Variants in MAP4K2 observed in about 807,000 individuals in gnomAD.
MAP4K2 encodes the protein B lymphocyte serine/threonine protein kinase.
MAP4K2 carries 85 observed loss-of-function variants against 125.3 expected under a neutral mutation model. The observed-to-expected ratio is 0.68, with a 90% CI of 0.57 to 0.81. The LOEUF is 0.81. Among genes scored for constraint, MAP4K2 ranks in the 40% least tolerant of loss-of-function variants. The pLI is 0.00. For missense variants in MAP4K2, 923 were observed against 1,056.4 expected, an observed-to-expected ratio of 0.87 and a Z score of 1.75; for synonymous variants, 479 against 445.1, an observed-to-expected ratio of 1.08 and a Z score of -0.96.
chr11:64,797,303 T>C lies in MAP4K2; in HGVS notation c.1248A>G (p.Pro416=). 2 of 1,602,492 alleles carry C rather than the reference T, an allele frequency of 1.2e-6. No individual in the cohort carries two copies. The highest frequency in any genetic ancestry group is 1.7e-6 in the Non-Finnish European group (2 of 1,174,782). The change falls in exon 18 of 32, where the codon CCA becomes CCG. Residue 416 remains proline, a synonymous_variant. Coordinates refer to ENST00000294066, the MANE Select transcript of MAP4K2 (RefSeq NM_004579.5). The part of the protein sequence containing the change: ...PFLGPLPTDP[P]AEEPLSSPPG... ...GGGGACTGGACAGAGGCTCCTCTGC[T>C]GGAGGGTCAGTGGGGAGTGGCCCTA...
Position 64,796,285 on chromosome 11 carries a change from C to T in MAP4K2, c.1739G>A (p.Arg580His), listed in dbSNP as rs34264803. The T allele has an allele frequency of 7.5e-3, 11,413 of 1,531,454 alleles. 77 individuals carry two copies. Among genetic ancestry groups the T allele is most frequent in the Middle Eastern group, 0.03 (169 of 5,646 alleles). The allele number at this position is 1,531,454 out of a possible 1,614,324, so 94.9% of individuals were successfully genotyped here. ...CAAGATCCCTGACCTGGGGATGATG[C>T]GCTGGGTGAGGCGGTTGGTGGGGAT... ...LSIPTNRLTQ[R>H]IIPRRFALST... Residue 580 changes from arginine to histidine, a missense_variant, in exon 24 of 32, where the codon CGC (arginine) becomes CAC (histidine). Coordinates refer to ENST00000294066, the MANE Select transcript of MAP4K2 (RefSeq NM_004579.5).
Position 64,803,107 on chromosome 11 carries a change from G to A in MAP4K2, c.43C>T (p.Arg15Cys). The A allele has an allele frequency of 1.3e-6, 2 of 1,591,648 alleles. No individual in the cohort carries two copies. The highest frequency in any genetic ancestry group is 1.4e-5 in the African/African-American group (1 of 73,164). ...RDVSLQDPRD[R>C]FELLQRVGAG... ...CCCACGCGCTGCAGCAGCTCGAAGC[G>A]GTCCCGCGGGTCCTGCAGCGACACA... The change falls in exon 1 of 32, where the codon CGC becomes TGC. Residue 15 changes from arginine to cysteine, a missense_variant. Around this residue, in one of 2 missense-constraint regions of MAP4K2, gnomAD observed 833 missense variants for 911.4 expected, o/e 0.91. Transcript: ENST00000294066.
chr11:64,797,410 C>A, intron 17 of MAP4K2, 30 bp from the exon 18 acceptor site: 2 of 1,561,442 alleles, frequency 1.3e-6, no homozygotes, highest in Non-Finnish European at 1.7e-6. Flanking sequence ...CCAGCCCGGC[C>A]GTTACCAGGT....
At chr11:64,791,148 A>T (rs1350395519) in intron 27 of MAP4K2, among the ~76,000 whole-genome samples, 4 of 152,216 alleles carry the variant, frequency 2.6e-5, no homozygotes, top group Non-Finnish European at 5.9e-5. Context: ...AAAATAAAAA[A>T]ATAAATAAAG....
In MAP4K2 at chr11:64,790,181, C is replaced by G. The variant is rs770925455; in HGVS notation, c.2248+7G>C. 15 of 1,613,972 alleles carry G rather than the reference C, an allele frequency of 9.3e-6. No individual in the cohort carries two copies. The East Asian group carries it at 3.3e-4, about 36-fold the overall frequency. The stretch of plus-strand genomic sequence containing the variant: ...AAAGGCCTGCACCCCACCTCTGGCT[C>G]ACTCACCCACAGTCTCGATGGGGAA... On this transcript the variant is annotated splice_region_variant and intron_variant, in intron 29 of 31. Transcript: ENST00000294066.
At position 64,802,592 on chromosome 11, in the gene MAP4K2, A is replaced by G. The variant is rs559692876; in HGVS notation, c.216T>C (p.Asn72=). 26 of 1,611,816 alleles carry G rather than the reference A, an allele frequency of 1.6e-5. No homozygotes were observed. In the Admixed American group the frequency reaches 3.0e-4, roughly 19 times the overall value. Residue 72 remains asparagine, a synonymous_variant, in exon 3 of 32, where the codon AAT becomes AAC. Coordinates refer to ENST00000294066, the MANE Select transcript of MAP4K2 (RefSeq NM_004579.5). ...GGTAGCTGCCAATGTAGGCCACCAC[A>G]TTGGGGTGGCGGCACTCACGCAGGA... The part of the protein sequence containing the change: ...ITILRECRHP[N]VVAYIGSYLR...
rs992534041 is a variant in MAP4K2 at position 64,800,181 on chromosome 11, G to C, written c.843C>G (p.Leu281=). ...TGGCTTTGTCCAGCAGCTGTGTGAG[G>C]AGGGCCCGAGGGAGCTGCTGAGTCG... ...PFTTQQLPRA[L]LTQLLDKASD... is the part of the protein sequence containing the mutation. Residue 281 remains leucine, a synonymous_variant, in exon 12 of 32, where the codon CTC becomes CTG. Transcript: ENST00000294066. 1.2e-6 allele frequency: 2 copies of C among 1,613,118 alleles called. No homozygotes were observed. The highest frequency in any genetic ancestry group is 2.7e-5 in the African/African-American group (2 of 74,904).
intron 1 of MAP4K2, 45 bp downstream of exon 1, chr11:64,803,009 G>C (rs751129210): frequency 3.2e-6 from 5 of 1,578,970 alleles, no homozygotes; most frequent in Non-Finnish European, 3.4e-6. Flanking sequence ...CGCGGGGTGC[G>C]GGGCTGGCAC....
chr11:64,799,725 CCTCATGCCGGGGCTG>C, intron 12 of MAP4K2, 42 bp from the exon 13 acceptor site: 4 of 1,552,864 alleles, frequency 2.6e-6, no homozygotes, highest in South Asian at 2.2e-5. Flanking sequence ...CTGGCACGCG[CCTCATGCCGGGGCTG>C]CTCTAGGAGC....
In MAP4K2 at chr11:64,798,887, C is replaced by T. The variant is rs540066907; in HGVS notation, c.1054-50G>A. 121 of 1,465,382 alleles carry T rather than the reference C, an allele frequency of 8.3e-5. No homozygotes were observed. The South Asian group carries it at 8.3e-4, about 10-fold the overall frequency. The allele number at this position is 1,465,382 out of a possible 1,614,324, so 90.8% of individuals were successfully genotyped here. On this transcript the variant is annotated intron_variant, in intron 14 of 31. Coordinates refer to ENST00000294066, the MANE Select transcript of MAP4K2 (RefSeq NM_004579.5). The stretch of plus-strand genomic sequence containing the variant: ...GGGGAAGAAGCAGAGACAGATGCAA[C>T]GTGAGAGGGCGCTCAAGAGATTCAG...
At chr11:64,801,279 A>ACGGG (rs1166323584) in intron 7 of MAP4K2, 96 bp from the exon 8 acceptor site, 2 of 1,452,264 alleles carry the variant, frequency 1.4e-6, no homozygotes, top group Non-Finnish European at 1.9e-6. Flanking sequence ...CAGGGCTCAG[A>ACGGG]CGGGCAGGTG....
intron 4 of MAP4K2, 73 bp from the exon 5 acceptor site, chr11:64,802,194 GA>G: frequency 7.0e-7 from 1 of 1,418,872 alleles, no homozygotes; most frequent in Non-Finnish European, 9.9e-7. Context: ...CCGTGTGTGG[GA>G]AAAGCAGCAG....
intron 31 of MAP4K2, 32 bp downstream of exon 31, chr11:64,789,698 T>C: frequency 6.2e-7 from 1 of 1,613,850 alleles, no homozygotes; most frequent in Non-Finnish European, 8.5e-7. Context: ...CTCAGGGGCA[T>C]CTGAAGGGGA....
chr11:64,800,354 G>A lies in MAP4K2; in HGVS notation c.764C>T (p.Thr255Ile), dbSNP rs1350808642. Residue 255 changes from threonine to isoleucine, a missense_variant, in exon 11 of 32, where the codon ACC becomes ATC. Thr to Ile is a moderately conservative substitution (Grantham distance 89). Coordinates refer to ENST00000294066, the MANE Select transcript of MAP4K2 (RefSeq NM_004579.5). ...NFHHFLKLALTKNPKKRPTAE... is the reference protein window; with the variant it reads ...NFHHFLKLALIKNPKKRPTAE... Reference sequence around the variant, plus strand: ...TGTCGGCCTCTTCTTAGGATTCTTGGTCAGGGCCAGTTTGAGAAAGTGGTG... The same window carrying A: ...TGTCGGCCTCTTCTTAGGATTCTTGATCAGGGCCAGTTTGAGAAAGTGGTG... 3 of 1,613,970 alleles carry A rather than the reference G, an allele frequency of 1.9e-6. No individual in the cohort carries two copies. The highest frequency in any genetic ancestry group is 2.5e-6 in the Non-Finnish European group (3 of 1,180,030).
chr11:64,790,254 T>C lies in MAP4K2; in HGVS notation c.2182A>G (p.Met728Val). 1 of 1,614,146 alleles carries C rather than the reference T, an allele frequency of 6.2e-7. No individual in the cohort carries two copies. ...SFERCVRIVN[M>V]QGEPTATLAP... ...AGTGTGGCCGTGGGCTCGCCCTGCA[T>C]GTTGACAATCCTCACACAGCCTGCA... Residue 728 changes from methionine (M) to valine (V), a missense_variant, in exon 29 of 32, where the codon ATG becomes GTG. By Grantham distance (21) the Met-to-Val change is conservative (BLOSUM62 1). Around this residue, in one of 2 missense-constraint regions of MAP4K2, gnomAD observed 90 missense variants for 144.9 expected, o/e 0.62. Coordinates refer to ENST00000294066, the MANE Select transcript of MAP4K2 (RefSeq NM_004579.5).
intron 24 of MAP4K2, among the ~76,000 whole-genome samples, chr11:64,792,676 G>A (rs1467755500): frequency 6.6e-6 from 1 of 152,122 alleles, no homozygotes; most frequent in African/African-American, 2.4e-5. Context: ...TTCTAGCTCT[G>A]TGTGACTCCA....
At position 64,801,002 on chromosome 11, in the gene MAP4K2, C is replaced by T. The variant is rs747732537; in HGVS notation, c.560G>A (p.Arg187His). Residue 187 changes from arginine (R) to histidine (H), a missense_variant, in exon 9 of 32, where the codon CGC (arginine) becomes CAC (histidine). Physicochemically the swap from Arg to His is conservative, Grantham distance 29. This residue lies in a region of MAP4K2 where 833 missense variants were observed against 911.4 expected (regional missense o/e 0.91). Transcript: ENST00000294066. ...WMAPEVAAVERKGGYNELCDV... is the reference protein window; with the variant it reads ...WMAPEVAAVEHKGGYNELCDV... ...ACATAGCTCATTGTAGCCACCTTTGCGCTCCACAGCAGCCACCTCGGGAGC... is the reference window on the plus strand; with the variant it reads ...ACATAGCTCATTGTAGCCACCTTTGTGCTCCACAGCAGCCACCTCGGGAGC... The T allele has an allele frequency of 3.5e-5, 56 of 1,613,848 alleles. No homozygotes were observed. The highest frequency in any genetic ancestry group is 4.4e-5 in the Non-Finnish European group (52 of 1,180,008).
At chr11:64,798,992 G>C (rs1383105805) in intron 14 of MAP4K2, among the ~76,000 whole-genome samples, 155 bp from the exon 15 acceptor site, 1 of 152,230 alleles carries the variant, frequency 6.6e-6, no homozygotes, top group Admixed American at 6.5e-5. Flanking sequence ...GACAGTGGGA[G>C]GCAGAGCTGA....
chr11:64,799,182 TTTGGGA>T (rs2136049763), intron 14 of MAP4K2, among the ~76,000 whole-genome samples: 1 of 152,138 alleles, frequency 6.6e-6, no homozygotes, highest in East Asian at 1.9e-4. Flanking sequence ...ACGGCCTCCT[TTTGGGA>T]AAGGCATGGT....
Sources: allele counts gnomAD v4.1 joint callset (sites outside exome capture counted in the v4.1 genomes callset), GRCh38; gene constraint gnomAD v4.1.1; regional missense constraint gnomAD v4.1.1; transcripts MANE v1.5; gene names NCBI Gene and HGNC (gene_info 2026-07-23, HGNC 2026-07-21).